The following SUPT7L variants were observed in gnomAD, a reference collection of about 807,000 sequenced individuals.
The protein encoded by SUPT7L is SPT7 like, STAGA complex subunit gamma, also known as STAGA complex 65 subunit gamma.
Under a neutral mutation model 35.7 loss-of-function variants are expected in SUPT7L, and 15 were observed. The ratio of observed to expected loss-of-function variants is 0.42; its 90% CI spans 0.28 to 0.65. The LOEUF (loss-of-function observed/expected upper bound fraction) is 0.65, where lower values mean the gene tolerates loss of function less well. Ranked by LOEUF, SUPT7L falls within the 30% of genes least tolerant of loss-of-function variation. SUPT7L has a pLI of 0.23. For missense variants in SUPT7L, 434 were observed against 522.2 expected (o/e 0.83, Z 1.65); for synonymous variants, 168 against 186.2 (o/e 0.90, Z 0.79).
At chr2:27,658,470 G>T (rs1674900595) in intron 3 of SUPT7L, among the ~76,000 whole-genome samples, 1 of 152,094 alleles carries the variant, frequency 6.6e-6, no homozygotes. Flanking sequence ...AAAGCTATTT[G>T]ATCTAAAAAT....
the SUPT7L span, among the ~76,000 whole-genome samples, chr2:27,642,956 T>C: frequency 0.063 from 5,351 of 85,360 alleles, 340 homozygotes; most frequent in Admixed American, 0.26. Flanking sequence ...TATATATATA[T>C]ATACACACAC....
At chr2:27,644,137 T>A in the SUPT7L span, among the ~76,000 whole-genome samples, 1 of 152,208 alleles carries the variant, frequency 6.6e-6, no homozygotes, top group African/African-American at 2.4e-5. Flanking sequence ...ATCGCGCCAC[T>A]GCACTCCAGC....
chr2:27,653,828 G>A (rs950276979), intron 5 of SUPT7L, 81 bp from the exon 6 acceptor site: 2 of 1,531,296 alleles, frequency 1.3e-6, no homozygotes, highest in East Asian at 4.5e-5. Context: ...ATATCACTCA[G>A]AACCAACTAA....
chr2:27,657,955 A>G lies in SUPT7L; in HGVS notation c.420-286T>C, dbSNP rs545036082. Among the ~76,000 whole-genome samples the G allele has an allele frequency of 6.6e-5, 10 of 152,350 alleles. No homozygotes were observed. The South Asian group carries it at 2.1e-3, about 32-fold the overall frequency. Reference sequence around the variant, plus strand: ...GTGAAAAGAAAGTTTCCTTCTAGCAACTGTTCAATTTTGATCACTTTTAGG... The same window carrying G: ...GTGAAAAGAAAGTTTCCTTCTAGCAGCTGTTCAATTTTGATCACTTTTAGG... On this transcript the variant is annotated intron_variant, in intron 3 of 5. Transcript: ENST00000337768. The surrounding 1 kb of genome is among the most constrained non-coding windows in gnomAD (Gnocchi z 5.2).
chr2:27,653,587 A>C lies in SUPT7L; in HGVS notation c.1143T>G (p.Pro381=). Residue 381 remains proline (P), a synonymous_variant, in exon 6 of 6, where the codon CCT becomes CCG. Coordinates refer to ENST00000337768, the MANE Select transcript of SUPT7L (RefSeq NM_014860.3). ...GMSEAGIPQS[P]DDSDSSYGSH... ...AACCATAGCTGCTATCTGAGTCATC[A>C]GGGCTCTGAGGAATCCCAGCTTCAC... 6.2e-7 allele frequency: 1 copy of C among 1,614,212 alleles called. No individual in the cohort carries two copies. Among genetic ancestry groups the C allele is most frequent in the South Asian group, 1.1e-5 (1 of 91,080 alleles).
downstream of SUPT7L, chr2:27,647,852 G>C: frequency 6.2e-7 from 1 of 1,611,426 alleles, no homozygotes. Context: ...TATCTCCTGT[G>C]CTGCACCCTT....
Position 27,652,841 on chromosome 2 carries a change from G to A in SUPT7L, c.*644C>T, listed in dbSNP as rs1038750814. ...AAAAGGATGAGGAGAGATGGAGTAA[G>A]TCTAGAGAAGAAAATAAATGGATGA... On this transcript the variant is annotated 3_prime_UTR_variant, in exon 6 of 6. Transcript: ENST00000337768. 6.5e-6 allele frequency: 1 copy of A among 153,098 alleles called. No homozygotes were observed. Among genetic ancestry groups the A allele is most frequent in the East Asian group, 1.9e-4 (1 of 5,336 alleles). The allele number at this position is 153,098 out of a possible 1,614,324, so 9.5% of individuals were successfully genotyped here. A position where few individuals can be genotyped will look rare whatever the true frequency, so the allele number is the denominator to read the frequency against.
At chr2:27,649,268 C>CA (rs996492260), downstream of SUPT7L, among the ~76,000 whole-genome samples, 571 of 150,506 alleles carry the variant, frequency 3.8e-3, no homozygotes, top group African/African-American at 0.012. Context: ...AACAAACAAA[C>CA]AAAAAAACAC....
chr2:27,642,588 AT>A, the SUPT7L span: 1 of 967,878 alleles, frequency 1.0e-6, no homozygotes, highest in Non-Finnish European at 1.6e-6. Flanking sequence ...TTATTTATTT[AT>A]TTTTGAGACG....
chr2:27,648,004 C>A, downstream of SUPT7L: 1 of 935,760 alleles, frequency 1.1e-6, no homozygotes, highest in Non-Finnish European at 1.8e-6. Flanking sequence ...ACATTGTTTG[C>A]CCAGGAGTTT....
chr2:27,650,286 G>C, downstream of SUPT7L: 1 of 723,454 alleles, frequency 1.4e-6, no homozygotes, highest in Non-Finnish European at 2.4e-6. Flanking sequence ...CTGAACTGGG[G>C]GCTCCCATAA....
Position 27,657,563 on chromosome 2 carries a change from C to G in SUPT7L, c.526G>C (p.Glu176Gln), listed in dbSNP as rs1416495827. The change falls in exon 4 of 6, where the codon GAG becomes CAG. Residue 176 changes from glutamate (E) to glutamine (Q), a missense_variant. Glu to Gln is a conservative substitution (Grantham distance 29). Transcript: ENST00000337768. The surrounding 1 kb of genome is among the most constrained non-coding windows in gnomAD (Gnocchi z 5.2). ...TCAGTTAGGGTCTCCAGGACACTCT[C>G]ATTAGCACAGTCAAAGCCCGCGTGG... ...LAHAGFDCAN[E>Q]SVLETLTDVA... The G allele has an allele frequency of 6.2e-7, 1 of 1,614,150 alleles. No individual in the cohort carries two copies. The highest frequency in any genetic ancestry group is 8.5e-7 in the Non-Finnish European group (1 of 1,180,058).
chr2:27,650,158 G>T (rs982983620), downstream of SUPT7L: 12 of 1,608,150 alleles, frequency 7.5e-6, no homozygotes, highest in Admixed American at 3.3e-5. Context: ...AGAATTTTAT[G>T]CAAGAATCGA....
chr2:27,659,136 C>A (rs910562157), intron 3 of SUPT7L, among the ~76,000 whole-genome samples: 1 of 152,104 alleles, frequency 6.6e-6, no homozygotes, highest in Admixed American at 6.5e-5. Context: ...TTGAGTTGGG[C>A]GTGTCTATGC....
downstream of SUPT7L, among the ~76,000 whole-genome samples, chr2:27,646,070 C>G (rs1247376748): frequency 6.6e-6 from 1 of 152,070 alleles, no homozygotes; most frequent in East Asian, 1.9e-4. Context: ...GAGGCAGAGT[C>G]TTGCTCTGTC....
rs1159461309 is a variant in SUPT7L, at chr2:27,652,935, G to A, written c.*550C>T. On this transcript the variant is annotated 3_prime_UTR_variant, in exon 6 of 6. Coordinates refer to ENST00000337768, the MANE Select transcript of SUPT7L (RefSeq NM_014860.3). The stretch of plus-strand genomic sequence containing the variant: ...TTATAAATAAGACACTTCAAAAGTA[G>A]CAAAAACAGTTTTAAGAAGGTGACT... 2 of 154,702 alleles carry A rather than the reference G, an allele frequency of 1.3e-5. No homozygotes were observed. Among genetic ancestry groups the A allele is most frequent in the Non-Finnish European group, 2.9e-5 (2 of 69,622 alleles). 9.6% of individuals were successfully genotyped at this position (154,702 alleles called of 1,614,324 possible). A position where few individuals can be genotyped will look rare whatever the true frequency, so the allele number is the denominator to read the frequency against.
chr2:27,647,833 T>C (rs1009631679), downstream of SUPT7L: 2 of 1,588,112 alleles, frequency 1.3e-6, no homozygotes, highest in South Asian at 1.1e-5. Context: ...GTTTTCACTG[T>C]AGACAGCTTA....
At chr2:27,645,604 GTTTCCAGT>G in the SUPT7L span, among the ~76,000 whole-genome samples, 6 of 151,956 alleles carry the variant, frequency 3.9e-5, no homozygotes, top group East Asian at 3.9e-4. Context: ...TTTCAGGAGT[GTTTCCAGT>G]TTTCCATATA....
At chr2:27,659,385 A>C (rs1030581951) in intron 3 of SUPT7L, among the ~76,000 whole-genome samples, 2 of 152,196 alleles carry the variant, frequency 1.3e-5, no homozygotes, top group African/African-American at 4.8e-5. Flanking sequence ...TCACTTCTGT[A>C]GTATTCTTGC....
Sources: allele counts gnomAD v4.1 joint callset (sites outside exome capture counted in the v4.1 genomes callset), GRCh38; gene constraint gnomAD v4.1.1; non-coding constraint Gnocchi (gnomAD v3.1); transcripts MANE v1.5; gene names NCBI Gene and HGNC (gene_info 2026-07-23, HGNC 2026-07-21).